Variants in GFOD2 observed in about 807,000 individuals in gnomAD.
GFOD2 encodes the protein Gfo/Idh/MocA-like oxidoreductase domain containing 2.
A neutral mutation model predicts 24.6 loss-of-function variants in GFOD2; 9 were observed. The observed-to-expected ratio is 0.37, with a 90% CI of 0.22 to 0.64. The LOEUF is 0.64. Among genes scored for constraint, GFOD2 ranks in the 30% least tolerant of loss-of-function variants. The pLI is 0.65. For synonymous variants in GFOD2, 211 were observed against 224.8 expected, an observed-to-expected ratio of 0.94 and a Z score of 0.55; for missense variants, 476 against 532.5, an observed-to-expected ratio of 0.89 and a Z score of 1.04.
chr16:67,694,987 CTTTTTT>C (rs542893576), intron 1 of GFOD2, among the ~76,000 whole-genome samples: 5,559 of 121,400 alleles, frequency 0.046, 228 homozygotes, highest in African/African-American at 0.15. Flanking sequence ...CCATCTCTCT[CTTTTTT>C]TTTTTTTTTT....
intron 1 of GFOD2, among the ~76,000 whole-genome samples, chr16:67,716,813 T>G (rs1778997988): frequency 6.6e-6 from 1 of 152,200 alleles, no homozygotes; most frequent in Non-Finnish European, 1.5e-5. Context: ...ACCCCACAGG[T>G]GCAAGAAAAG....
intron 1 of GFOD2, among the ~76,000 whole-genome samples, chr16:67,708,822 C>G (rs1423392317): frequency 6.6e-6 from 1 of 152,116 alleles, no homozygotes; most frequent in Non-Finnish European, 1.5e-5. Context: ...AGGCACATTC[C>G]AAAAGGCCAG....
At chr16:67,703,009 G>A (rs2053414737) in intron 1 of GFOD2, among the ~76,000 whole-genome samples, 2 of 152,164 alleles carry the variant, frequency 1.3e-5, no homozygotes, top group Non-Finnish European at 2.9e-5. Context: ...CACTCATTAG[G>A]CAGCTTGTAT....
At position 67,675,188 on chromosome 16, in the gene GFOD2, G is replaced by A. The variant is rs1324142438; in HGVS notation, c.1125C>T (p.Asn375=). Residue 375 remains asparagine (N), a synonymous_variant, in exon 3 of 3, where the codon AAC becomes AAT. Coordinates refer to ENST00000268797, the MANE Select transcript of GFOD2 (RefSeq NM_030819.4). Reference sequence around the variant, plus strand: ...TGTTCCGCTGAAGTGCCTCACACAGGTTCTGGTTGGTGTCGGGCTCCTCCG... The same window carrying A: ...TGTTCCGCTGAAGTGCCTCACACAGATTCTGGTTGGTGTCGGGCTCCTCCG... ...VLTEEPDTNQ[N]LCEALQRNNL The A allele has an allele frequency of 6.2e-7, 1 of 1,613,922 alleles. No individual in the cohort carries two copies. The highest frequency in any genetic ancestry group is 1.7e-5 in the Admixed American group (1 of 60,018).
intron 1 of GFOD2, among the ~76,000 whole-genome samples, chr16:67,702,678 C>T (rs143492970): frequency 9.0e-4 from 131 of 144,808 alleles, no homozygotes; most frequent in African/African-American, 3.2e-3. Flanking sequence ...GAGCTCACTA[C>T]AACCTCTGCC....
intron 1 of GFOD2, among the ~76,000 whole-genome samples, chr16:67,701,163 T>C (rs957241775): frequency 6.6e-6 from 1 of 151,890 alleles, no homozygotes; most frequent in Non-Finnish European, 1.5e-5. Flanking sequence ...TTGGCGAAAA[T>C]GTAAAATAAT....
At chr16:67,708,301 A>T (rs1290867978) in intron 1 of GFOD2, among the ~76,000 whole-genome samples, 1 of 152,242 alleles carries the variant, frequency 6.6e-6, no homozygotes, top group Admixed American at 6.5e-5. Flanking sequence ...AAAACAAAAA[A>T]ACCTGTAAGC....
chr16:67,710,490 G>A (rs1005393905), intron 1 of GFOD2, among the ~76,000 whole-genome samples: 2 of 152,020 alleles, frequency 1.3e-5, no homozygotes, highest in Non-Finnish European at 2.9e-5. Context: ...TCAGCCTCCC[G>A]AGTAGCTGGA....
At chr16:67,683,038 G>A (rs2053240174) in intron 2 of GFOD2, 1 of 291,720 alleles carries the variant, frequency 3.4e-6, no homozygotes, top group Non-Finnish European at 5.1e-6. Context: ...ACTGCTCACT[G>A]CAGCCTCTAT....
At chr16:67,684,155 C>G (rs1459103462) in intron 2 of GFOD2, 1 of 152,314 alleles carries the variant, frequency 6.6e-6, no homozygotes, top group African/African-American at 2.4e-5. Flanking sequence ...GGTGGATCAC[C>G]TGAGGTCAGG....
At chr16:67,684,572 T>G (rs2053251755) in intron 2 of GFOD2, 2 of 176,106 alleles carry the variant, frequency 1.1e-5, no homozygotes, top group Admixed American at 6.5e-5. Context: ...GGCAGGCACC[T>G]GTAATCCCAG....
At chr16:67,702,156 A>G (rs917736564) in intron 1 of GFOD2, among the ~76,000 whole-genome samples, 3 of 152,178 alleles carry the variant, frequency 2.0e-5, no homozygotes, top group African/African-American at 7.2e-5. Flanking sequence ...GAATAGGTAC[A>G]ACAGAAGCCA....
intron 1 of GFOD2, among the ~76,000 whole-genome samples, chr16:67,689,128 C>G (rs1371769366): frequency 1.3e-5 from 2 of 151,638 alleles, no homozygotes; most frequent in African/African-American, 2.4e-5. Flanking sequence ...CAACCTCCCC[C>G]TCCTGGTTTC....
chr16:67,676,011 A>G lies in GFOD2; in HGVS notation c.302T>C (p.Val101Ala), dbSNP rs1249534801. The change falls in exon 3 of 3, where the codon GTG becomes GCG. Residue 101 changes from valine (V) to alanine (A), a missense_variant. Val to Ala is a moderately conservative substitution (Grantham distance 64). Coordinates refer to ENST00000268797, the MANE Select transcript of GFOD2 (RefSeq NM_030819.4). ...GGCTGTCACCATCCGGAAGGCATCCACCGATGTTGCTGCCTTCTCGCAAAC... is the reference window on the plus strand; with the variant it reads ...GGCTGTCACCATCCGGAAGGCATCCGCCGATGTTGCTGCCTTCTCGCAAAC... ...NVVCEKAATS[V>A]DAFRMVTASR... is the part of the protein sequence containing the mutation. 3.1e-6 allele frequency: 5 copies of G among 1,613,736 alleles called. No individual in the cohort carries two copies. The South Asian group carries it at 5.5e-5, about 18-fold the overall frequency.
intron 2 of GFOD2, among the ~76,000 whole-genome samples, chr16:67,679,673 G>A (rs1328004868): frequency 6.6e-6 from 1 of 151,850 alleles, no homozygotes; most frequent in African/African-American, 2.4e-5. Flanking sequence ...TGGATCACGA[G>A]GTCAGGGGTT....
At chr16:67,688,098 G>T (rs1409589633) in intron 1 of GFOD2, among the ~76,000 whole-genome samples, 1 of 152,158 alleles carries the variant, frequency 6.6e-6, no homozygotes, top group Non-Finnish European at 1.5e-5. Context: ...GAATGCTGTG[G>T]AGTTACTGAA....
At chr16:67,678,973 GC>G (rs780059325) in intron 2 of GFOD2, among the ~76,000 whole-genome samples, 14 of 152,174 alleles carry the variant, frequency 9.2e-5, no homozygotes, top group Admixed American at 3.3e-4. Flanking sequence ...TTCAAAATCA[GC>G]CTGGGCAACA....
chr16:67,697,315 A>G (rs974611805), intron 1 of GFOD2, among the ~76,000 whole-genome samples: 27 of 152,218 alleles, frequency 1.8e-4, no homozygotes, highest in African/African-American at 6.5e-4. Context: ...GGGCCTGGCC[A>G]ATTAGATATG....
chr16:67,717,991 C>T lies in GFOD2; in HGVS notation c.-88+1172G>A, dbSNP rs1189742434. Among the ~76,000 whole-genome samples, 8 of 152,204 alleles carry T rather than the reference C, an allele frequency of 5.3e-5. No homozygotes were observed. The South Asian group carries it at 6.2e-4, about 12-fold the overall frequency. On this transcript the variant is annotated intron_variant, in intron 1 of 2. Transcript: ENST00000268797. ...GTTCTCTAAACTCCCAATCCCAAAG[C>T]AGTTAATTTTTTCACGTTTCCTGTA...
Sources: allele counts gnomAD v4.1 joint callset (sites outside exome capture counted in the v4.1 genomes callset), GRCh38; gene constraint gnomAD v4.1.1; transcripts MANE v1.5; gene names NCBI Gene and HGNC (gene_info 2026-07-23, HGNC 2026-07-21).